MND1: variants seen among roughly 807,000 people sequenced by gnomAD.
MND1 encodes the protein meiotic nuclear division protein 1 homolog.
In MND1, 28 loss-of-function variants were observed where a neutral mutation model predicts 35.1. The ratio of observed to expected loss-of-function variants is 0.80; its 90% CI spans 0.59 to 1.09. The LOEUF is 1.09. MND1 is among the 50% of genes least tolerant of loss of function. The pLI is 0.00. For missense variants in MND1, 213 were observed against 239.6 expected (o/e 0.89, Z 0.73); for synonymous variants, 69 against 70.5 (o/e 0.98, Z 0.11).
At position 153,394,256 on chromosome 4, in the gene MND1, C is replaced by G; in HGVS notation, c.277-6C>G. The G allele has an allele frequency of 6.2e-7, 1 of 1,610,560 alleles. No individual in the cohort carries two copies. Among genetic ancestry groups the G allele is most frequent in the Non-Finnish European group, 8.5e-7 (1 of 1,177,712 alleles). On this transcript the variant is annotated splice_region_variant and splice_polypyrimidine_tract_variant and intron_variant, in intron 4 of 7. Coordinates refer to ENST00000240488, the MANE Select transcript of MND1 (RefSeq NM_032117.4). ...CAAGCTGTTTTATTTGTTTTTGATT[C>G]TCTAGTTGTCTGAGGGAAGTCAAAA...
chr4:153,356,932 C>T (rs951208079), intron 3 of MND1, among the ~76,000 whole-genome samples: 1 of 152,144 alleles, frequency 6.6e-6, no homozygotes, highest in African/African-American at 2.4e-5. Context: ...AAGCGATTCT[C>T]CTGCCTCAGC....
intron 4 of MND1, among the ~76,000 whole-genome samples, chr4:153,378,564 G>C (rs1007939942): frequency 8.5e-5 from 13 of 152,264 alleles, no homozygotes; most frequent in South Asian, 2.1e-4. Context: ...ATTTTTATGA[G>C]GGATTGGTGA....
chr4:153,409,026 T>C lies in MND1; in HGVS notation c.511+11T>C. On this transcript the variant is annotated intron_variant, in intron 7 of 7. Coordinates refer to ENST00000240488, the MANE Select transcript of MND1 (RefSeq NM_032117.4). ...CTAACAGATGGACTGGTATGTACTA[T>C]AATAATGCTGATAAACTATAGCTAA... 5.2e-6 allele frequency: 7 copies of C among 1,353,520 alleles called. No homozygotes were observed. Among genetic ancestry groups the C allele is most frequent in the Non-Finnish European group, 5.8e-6 (6 of 1,043,216 alleles). The allele number at this position is 1,353,520 out of a possible 1,614,324, so 83.8% of individuals were successfully genotyped here.
In MND1 at chr4:153,349,980, G is replaced by C. The variant is rs1773172485; in HGVS notation, c.4-84G>C. 34 of 902,630 alleles carry C rather than the reference G, an allele frequency of 3.8e-5. No homozygotes were observed. In the South Asian group the frequency reaches 4.7e-4, roughly 12 times the overall value. 55.9% of individuals were successfully genotyped at this position (902,630 alleles called of 1,614,324 possible). ...ACCTGTTGGCATCAGATAAGACCAT[G>C]CATAAAATTTCAAATGTTGCAAATC... is the stretch of plus-strand genomic sequence containing the variant. On this transcript the variant is annotated intron_variant, in intron 1 of 7. Transcript: ENST00000240488.
Position 153,356,552 on chromosome 4 carries a change from CA to C in MND1, c.127+865del, listed in dbSNP as rs34763120. On this transcript the variant is annotated intron_variant, in intron 3 of 7. Transcript: ENST00000240488. Reference sequence around the variant, plus strand: ...TGGGTGACAGAGTGAAACTCAGTCTCAAAAAAAAAAAAAAAAAAAAAAAAGA... The same window carrying C: ...TGGGTGACAGAGTGAAACTCAGTCTCAAAAAAAAAAAAAAAAAAAAAAAGA... 4.5e-3 allele frequency among the ~76,000 whole-genome samples: 270 copies of C among 60,016 alleles called. 2 individuals carry two copies. Among genetic ancestry groups the C allele is most frequent in the African/African-American group, 0.016 (245 of 15,086 alleles). The allele number at this position is 60,016 out of a possible 152,430, so 39.4% of individuals were successfully genotyped here. A position where few individuals can be genotyped will look rare whatever the true frequency, so the allele number is the denominator to read the frequency against.
chr4:153,405,916 T>C (rs533960842), intron 6 of MND1, among the ~76,000 whole-genome samples: 1 of 152,240 alleles, frequency 6.6e-6, no homozygotes, highest in South Asian at 2.1e-4. Flanking sequence ...GCCATTCTCC[T>C]GCCTCAACCT....
chr4:153,408,185 G>C (rs1228889100), intron 6 of MND1, among the ~76,000 whole-genome samples: 1 of 152,164 alleles, frequency 6.6e-6, no homozygotes, highest in East Asian at 1.9e-4. Flanking sequence ...CAGGAGGATT[G>C]CTTAAGCCCG....
chr4:153,371,589 CT>C (rs1307424602), intron 4 of MND1, among the ~76,000 whole-genome samples: 1 of 152,066 alleles, frequency 6.6e-6, no homozygotes, highest in East Asian at 1.9e-4. Context: ...GCTTCCTCAC[CT>C]CTCAGCCTAC....
At chr4:153,406,314 G>C (rs1229063530) in intron 6 of MND1, among the ~76,000 whole-genome samples, 1 of 152,120 alleles carries the variant, frequency 6.6e-6, no homozygotes, top group African/African-American at 2.4e-5. Context: ...GTGAAGCCAG[G>C]AGTTTGAGAC....
At chr4:153,360,667 T>TATAAATAAATAA (rs58220178) in intron 4 of MND1, among the ~76,000 whole-genome samples, 4 of 109,828 alleles carry the variant, frequency 3.6e-5, no homozygotes, top group South Asian at 5.3e-4. Flanking sequence ...AATATTTTTA[T>TATAAATAAATAA]ATAAATAAAT....
chr4:153,408,914 A>ATATATATATATATAAATACATTTCATTT (rs1729596516), intron 6 of MND1, 57 bp from the exon 7 acceptor site: 105 of 229,192 alleles, frequency 4.6e-4, no homozygotes, highest in Non-Finnish European at 5.5e-4. Flanking sequence ...TTTTGTGTGT[A>ATATATATATATATAAATACATTTCATTT]TATATATATA....
chr4:153,406,562 A>G (rs1004106896), intron 6 of MND1, among the ~76,000 whole-genome samples: 7 of 152,150 alleles, frequency 4.6e-5, no homozygotes, highest in African/African-American at 7.2e-5. Context: ...GATGGAAGAA[A>G]ATAGTCACAA....
Position 153,375,323 on chromosome 4 carries a change from A to G in MND1, c.276+16701A>G, listed in dbSNP as rs544868027. On this transcript the variant is annotated intron_variant, in intron 4 of 7. Coordinates refer to ENST00000240488, the MANE Select transcript of MND1 (RefSeq NM_032117.4). ...TGTATCCTTTGATTCTTACACTTGC[A>G]TGAAGTACGTATTGCTGCTAACTCT... 7.2e-5 allele frequency among the ~76,000 whole-genome samples: 11 copies of G among 152,294 alleles called. No homozygotes were observed. In the East Asian group the frequency reaches 2.1e-3, roughly 29 times the overall value.
chr4:153,386,641 G>A (rs1020321191), intron 4 of MND1, among the ~76,000 whole-genome samples: 18 of 152,060 alleles, frequency 1.2e-4, no homozygotes, highest in African/African-American at 3.4e-4. Flanking sequence ...ACTTGAACCC[G>A]GGAGGTGGAG....
chr4:153,355,752 C>A, intron 3 of MND1, 41 bp downstream of exon 3: 1 of 1,242,550 alleles, frequency 8.0e-7, no homozygotes, highest in Non-Finnish European at 1.2e-6. Context: ...GGGAAATATA[C>A]TGGGATGTTT....
intron 5 of MND1, among the ~76,000 whole-genome samples, chr4:153,396,090 T>G (rs1729190963): frequency 6.6e-6 from 1 of 152,208 alleles, no homozygotes; most frequent in Admixed American, 6.5e-5. Flanking sequence ...CTTCTTATAG[T>G]TATTTTAAAA....
In MND1 at chr4:153,354,712, T is replaced by G. The variant is rs1182841500; in HGVS notation, c.70-942T>G. On this transcript the variant is annotated intron_variant, in intron 2 of 7. Coordinates refer to ENST00000240488, the MANE Select transcript of MND1 (RefSeq NM_032117.4). ...AGATGTGGTGCAAGAGTGGTCTCAC[T>G]GTGTTACCCAGGCCAGTCTCCAGCT... Among the ~76,000 whole-genome samples, 10 of 152,230 alleles carry G rather than the reference T, an allele frequency of 6.6e-5. 1 individual carries two copies. The East Asian group carries it at 1.9e-3, about 29-fold the overall frequency.
intron 3 of MND1, 47 bp from the exon 4 acceptor site, chr4:153,358,427 A>G (rs1173210379): frequency 4.8e-6 from 7 of 1,447,406 alleles, no homozygotes; most frequent in Non-Finnish European, 6.4e-6. Context: ...CTTTAATTTT[A>G]TTTATGGTGT....
At chr4:153,404,505 C>T (rs1220287685) in intron 6 of MND1, among the ~76,000 whole-genome samples, 3 of 137,578 alleles carry the variant, frequency 2.2e-5, no homozygotes, top group Non-Finnish European at 3.1e-5. Context: ...TTTTTTGAAA[C>T]GGGGTTTCAG....
Sources: gnomAD v4.1 joint callset for allele counts (sites outside exome capture counted in the v4.1 genomes callset) on GRCh38, gnomAD v4.1.1 for gene constraint, MANE v1.5 for transcripts, NCBI Gene and HGNC (gene_info 2026-07-23, HGNC 2026-07-21) for gene names.